The following RAP1GAP2 variants were observed in gnomAD, a reference collection of about 807,000 sequenced individuals.
The protein encoded by RAP1GAP2 is RAP1 GTPase activating protein 2, also known as rap1 GTPase-activating protein 2.
A neutral mutation model predicts 95.0 loss-of-function variants in RAP1GAP2; 27 were observed. The ratio of observed to expected loss-of-function variants is 0.28; its 90% CI spans 0.21 to 0.39. The LOEUF is 0.39. Among genes scored for constraint, RAP1GAP2 ranks in the 10% least tolerant of loss-of-function variants. The probability of loss-of-function intolerance (pLI) is 1.00; values close to 1 mark genes in which losing one functional copy is unlikely to be tolerated. For missense variants in RAP1GAP2, 771 were observed against 970.0 expected, an observed-to-expected ratio of 0.79 and a Z score of 2.72; for synonymous variants, 373 against 380.9, an observed-to-expected ratio of 0.98 and a Z score of 0.24.
At chr17:2,757,688 G>A (rs908466958) in intron 1 of RAP1GAP2, among the ~76,000 whole-genome samples, 1 of 152,044 alleles carries the variant, frequency 6.6e-6, no homozygotes, top group Non-Finnish European at 1.5e-5. Context: ...GGAGGCAGAG[G>A]TATAAAGAAA....
chr17:2,956,013 C>T (rs8072707), intron 3 of RAP1GAP2, among the ~76,000 whole-genome samples: 84,758 of 152,174 alleles, frequency 0.56, 25,168 homozygotes, highest in Admixed American at 0.68. Context: ...GTCAGAGGTC[C>T]GTGTATTTAA....
At position 3,026,096 on chromosome 17, in the gene RAP1GAP2, C is replaced by T. The variant is rs760426134; in HGVS notation, c.1840C>T (p.Pro614Ser). 6.2e-7 allele frequency: 1 copy of T among 1,612,722 alleles called. No homozygotes were observed. The highest frequency in any genetic ancestry group is 8.5e-7 in the Non-Finnish European group (1 of 1,178,756). ...TGAGACCTCATCCAATCCCAGCTCT[C>T]CGGAAATCTGCCCCAACAAGGAGAA... ...KSETSSNPSS[P>S]EICPNKEKPF... The change falls in exon 20 of 25, where the codon CCG (proline) becomes TCG (serine). Residue 614 changes from proline (P) to serine (S), a missense_variant. Transcript: ENST00000254695.
At chr17:2,840,155 T>A (rs182427827) in intron 2 of RAP1GAP2, among the ~76,000 whole-genome samples, 53 of 152,166 alleles carry the variant, frequency 3.5e-4, no homozygotes, top group Admixed American at 1.8e-3. Flanking sequence ...TCTTTATTTT[T>A]AAATTTTTAT....
chr17:2,798,368 A>G lies in RAP1GAP2; in HGVS notation c.44+1797A>G, dbSNP rs542694609. On this transcript the variant is annotated intron_variant, in intron 1 of 24. Coordinates refer to ENST00000254695, the MANE Select transcript of RAP1GAP2 (RefSeq NM_015085.5). ...TCAGTCGATGCTTGTGGACTCATCG[A>G]GGTCTTTTGCACACAGCAGGTGTCT... 2.9e-3 allele frequency among the ~76,000 whole-genome samples: 442 copies of G among 152,118 alleles called. 2 individuals carry two copies. Among genetic ancestry groups the G allele is most frequent in the African/African-American group, 0.01 (415 of 41,492 alleles).
At chr17:2,787,014 G>T (rs2068798392) in intron 1 of RAP1GAP2, among the ~76,000 whole-genome samples, 1 of 139,044 alleles carries the variant, frequency 7.2e-6, no homozygotes, top group African/African-American at 2.7e-5. Flanking sequence ...GCAGGGGCGC[G>T]ATCTCTGCTC....
chr17:2,923,520 G>T (rs2042860731), intron 3 of RAP1GAP2, among the ~76,000 whole-genome samples: 1 of 150,990 alleles, frequency 6.6e-6, no homozygotes, highest in Admixed American at 6.6e-5. Flanking sequence ...TTTTAGTAGA[G>T]ACAGGGTTTC....
At chr17:2,957,076 C>T (rs11078414) in intron 3 of RAP1GAP2, among the ~76,000 whole-genome samples, 83,410 of 149,036 alleles carry the variant, frequency 0.56, 24,540 homozygotes, top group Admixed American at 0.68. Flanking sequence ...TGCAGTGAGC[C>T]GAGATTGCGC....
chr17:2,913,414 G>A (rs368225892), intron 3 of RAP1GAP2, among the ~76,000 whole-genome samples: 309 of 151,812 alleles, frequency 2.0e-3, no homozygotes, highest in African/African-American at 6.9e-3. Flanking sequence ...TCAGCCTCCC[G>A]AGTAGCTGGG....
At chr17:3,026,836 G>A in intron 21 of RAP1GAP2, 108 bp from the exon 22 acceptor site, 1 of 1,361,160 alleles carries the variant, frequency 7.3e-7, no homozygotes, top group Non-Finnish European at 9.9e-7. Flanking sequence ...GGCCCAAGTG[G>A]GGAGCAGGAG....
rs185767502 is a variant in RAP1GAP2, at chr17:2,927,368, T to C, written c.165+22000T>C. 9.9e-3 allele frequency among the ~76,000 whole-genome samples: 1,500 copies of C among 151,978 alleles called. 11 individuals carry two copies. The highest frequency in any genetic ancestry group is 0.014 in the Non-Finnish European group (971 of 67,962). ...CGGGGTTTCACCGTGTTAGCCAGGA[T>C]GGTCTCGATCTCCTGACCTCGTGAT... On this transcript the variant is annotated intron_variant, in intron 3 of 24. Transcript: ENST00000254695.
intron 18 of RAP1GAP2, among the ~76,000 whole-genome samples, chr17:3,019,835 T>C (rs541956025): frequency 1.3e-5 from 2 of 152,250 alleles, no homozygotes; most frequent in East Asian, 1.9e-4. Context: ...TGGTGGCCTC[T>C]AGAGGTTGGT....
chr17:2,832,512 C>T (rs576794782), intron 2 of RAP1GAP2, among the ~76,000 whole-genome samples: 67 of 145,378 alleles, frequency 4.6e-4, no homozygotes, highest in African/African-American at 1.4e-3. Flanking sequence ...GAGCCGAGAT[C>T]GCGCCACTGC....
chr17:3,030,139 ATATG>A (rs2047246591), intron 22 of RAP1GAP2, among the ~76,000 whole-genome samples: 1 of 144,208 alleles, frequency 6.9e-6, no homozygotes, highest in Non-Finnish European at 1.5e-5. Flanking sequence ...CATATATATT[ATATG>A]TTATATGTAT....
At position 2,948,461 on chromosome 17, in the gene RAP1GAP2, C is replaced by G. The variant is rs144693912; in HGVS notation, c.166-9298C>G. Reference sequence around the variant, plus strand: ...CTGGGGTGCGGCAAGAGGGAAGGAACAGGTGGATGCCTGTCTGCAGGAGAA... The same window carrying G: ...CTGGGGTGCGGCAAGAGGGAAGGAAGAGGTGGATGCCTGTCTGCAGGAGAA... On this transcript the variant is annotated intron_variant, in intron 3 of 24. Coordinates refer to ENST00000254695, the MANE Select transcript of RAP1GAP2 (RefSeq NM_015085.5). Among the ~76,000 whole-genome samples, 159 of 151,736 alleles carry G rather than the reference C, an allele frequency of 1.0e-3. 5 individuals carry two copies. In the East Asian group the frequency reaches 0.025, roughly 24 times the overall value.
chr17:2,769,232 T>TAAAAA lies in RAP1GAP2; in HGVS notation c.51-1061_51-1057dup, dbSNP rs58436827. Among the ~76,000 whole-genome samples, 9 of 42,910 alleles carry TAAAAA rather than the reference T, an allele frequency of 2.1e-4. 1 individual carries two copies. The highest frequency in any genetic ancestry group is 2.4e-4 in the Non-Finnish European group (6 of 24,556). 28.2% of individuals were successfully genotyped at this position (42,910 alleles called of 152,430 possible). A position where few individuals can be genotyped will look rare whatever the true frequency, so the allele number is the denominator to read the frequency against. On this transcript the variant is annotated intron_variant, in intron 1 of 25. Coordinates refer to the RAP1GAP2 transcript ENST00000637138. ...GGATGAGAAAGTGAAACCATTTCTC[T>TAAAAA]AAAAAAAAAAAAAAAAAAAAAAAAA...
At chr17:2,910,268 A>T (rs967653121) in intron 3 of RAP1GAP2, among the ~76,000 whole-genome samples, 4 of 151,970 alleles carry the variant, frequency 2.6e-5, no homozygotes, top group Admixed American at 1.3e-4. Flanking sequence ...CGGTCAGAGG[A>T]GGTTGTTCTG....
chr17:2,981,135 G>A (rs139949042), intron 9 of RAP1GAP2, 60 bp from the exon 10 acceptor site: 107 of 1,513,202 alleles, frequency 7.1e-5, no homozygotes, highest in Non-Finnish European at 9.6e-5. Flanking sequence ...GGTGGGCAGA[G>A]GAGCCCAGAT....
chr17:2,999,473 C>G (rs771337580), intron 14 of RAP1GAP2, among the ~76,000 whole-genome samples: 1 of 152,180 alleles, frequency 6.6e-6, no homozygotes, highest in Non-Finnish European at 1.5e-5. Context: ...AACCACTGTT[C>G]TAAGGGGGAG....
intron 17 of RAP1GAP2, among the ~76,000 whole-genome samples, chr17:3,013,296 GGTCTTTGGC>G: frequency 6.6e-6 from 1 of 152,210 alleles, no homozygotes; most frequent in East Asian, 1.9e-4. Flanking sequence ...AAGAATCCTT[GGTCTTTGGC>G]GTCTTTGCCC....
Sources: gnomAD v4.1 joint callset for allele counts (sites outside exome capture counted in the v4.1 genomes callset) on GRCh38, gnomAD v4.1.1 for gene constraint, MANE v1.5 for transcripts, NCBI Gene and HGNC (gene_info 2026-07-23, HGNC 2026-07-21) for gene names.